The following ATM variants were observed in gnomAD, a reference collection of about 807,000 sequenced individuals.
The protein encoded by ATM is ATM serine/threonine kinase.
In ATM, 308 loss-of-function variants were observed where a neutral mutation model predicts 387.0. The ratio of observed to expected loss-of-function variants is 0.80; its 90% CI spans 0.73 to 0.87. The LOEUF (loss-of-function observed/expected upper bound fraction) is 0.87, where lower values mean the gene tolerates loss of function less well. Among genes scored for constraint, ATM ranks in the 40% least tolerant of loss-of-function variants. The pLI is 0.00. For missense variants in ATM, 3,312 were observed against 3,560.9 expected (o/e 0.93, Z 1.78); for synonymous variants, 1,156 against 1,187.3 (o/e 0.97, Z 0.54).
intron 5 of ATM, among the ~76,000 whole-genome samples, chr11:108,237,308 C>T (rs2079326924): frequency 6.6e-6 from 1 of 152,108 alleles, no homozygotes. Context: ...GATCTTTCCC[C>T]AGTATGGCTG....
intron 37 of ATM, 115 bp from the exon 38 acceptor site, chr11:108,307,782 A>T: frequency 1.1e-6 from 1 of 888,512 alleles, no homozygotes. Context: ...ATTTTGTGTT[A>T]GGTACTGCCC....
chr11:108,300,572 C>T (rs188175383), intron 34 of ATM, among the ~76,000 whole-genome samples: 1 of 152,134 alleles, frequency 6.6e-6, no homozygotes, highest in Non-Finnish European at 1.5e-5. Flanking sequence ...TCTGTACTTC[C>T]CTTCCTCCTT....
chr11:108,262,370 G>A (rs994356402), intron 16 of ATM, among the ~76,000 whole-genome samples: 6 of 152,258 alleles, frequency 3.9e-5, no homozygotes, highest in South Asian at 2.1e-4. Flanking sequence ...AGAATTTCAT[G>A]TCCATCCAAA....
At chr11:108,311,608 G>C (rs1159159472) in intron 39 of ATM, among the ~76,000 whole-genome samples, 1 of 152,072 alleles carries the variant, frequency 6.6e-6, no homozygotes, top group Non-Finnish European at 1.5e-5. Flanking sequence ...TGAGGGAGGA[G>C]GATCGCTTGA....
intron 29 of ATM, 141 bp downstream of exon 29, chr11:108,289,942 C>A (rs2135769429): frequency 1.4e-6 from 1 of 718,726 alleles, no homozygotes. Flanking sequence ...ACTGCATCCT[C>A]AACCTCCTGG....
chr11:108,254,937 C>T (rs371968526), intron 13 of ATM, among the ~76,000 whole-genome samples: 8 of 152,180 alleles, frequency 5.3e-5, no homozygotes, highest in Admixed American at 2.0e-4. Flanking sequence ...GCGTGAGCCA[C>T]GGTGCCTGGC....
intron 37 of ATM, among the ~76,000 whole-genome samples, chr11:108,305,614 A>G (rs533864200): frequency 6.6e-6 from 1 of 152,162 alleles, no homozygotes; most frequent in Non-Finnish European, 1.5e-5. Context: ...TTGTATAACT[A>G]TAATTAACAT....
chr11:108,333,318 TTTAA>T (rs1322403348), intron 53 of ATM, among the ~76,000 whole-genome samples: 2 of 152,220 alleles, frequency 1.3e-5, no homozygotes, highest in Admixed American at 1.3e-4. Flanking sequence ...AATGCCATTA[TTTAA>T]TTATTATTCT....
intron 5 of ATM, among the ~76,000 whole-genome samples, chr11:108,239,153 A>G (rs543408886): frequency 6.6e-6 from 1 of 152,148 alleles, no homozygotes; most frequent in Non-Finnish European, 1.5e-5. Flanking sequence ...GCCTTCATGG[A>G]TGGGATTAAT....
At position 108,268,468 on chromosome 11, in the gene ATM, C is replaced by T. The variant is rs786202978; in HGVS notation, c.2697C>T (p.Asp899=). 10 of 1,613,920 alleles carry T rather than the reference C, an allele frequency of 6.2e-6. 1 individual carries two copies. The African/African-American group carries it at 8.0e-5, about 13-fold the overall frequency. The change falls in exon 18 of 63, where the codon GAC becomes GAT. Residue 899 remains aspartate, a synonymous_variant. Transcript: ENST00000675843. ...YLSKQDLLFL[D]MLKFLCLCVT... ...CAAAGCAAGATCTACTTTTCTTAGA[C>T]ATGCTCAAGTTCTTGTGTTTGTGTG...
intron 27 of ATM, among the ~76,000 whole-genome samples, chr11:108,288,685 G>A (rs926222523): frequency 6.6e-6 from 1 of 151,602 alleles, no homozygotes; most frequent in African/African-American, 2.4e-5. Context: ...GTAATACTGA[G>A]GCTCATTTAT....
chr11:108,340,888 C>G (rs1025491012), intron 56 of ATM, among the ~76,000 whole-genome samples: 1 of 152,072 alleles, frequency 6.6e-6, no homozygotes, highest in Non-Finnish European at 1.5e-5. Flanking sequence ...AATAGTTGTA[C>G]TGTATTGGTT....
At position 108,332,789 on chromosome 11, in the gene ATM, A is replaced by G. The variant is rs376824528; in HGVS notation, c.7816A>G (p.Ile2606Val). 29 of 1,613,192 alleles carry G rather than the reference A, an allele frequency of 1.8e-5. No homozygotes were observed. The highest frequency in any genetic ancestry group is 1.7e-4 in the Middle Eastern group (1 of 6,050). Residue 2606 changes from isoleucine (I) to valine (V), a missense_variant, in exon 53 of 63, where the codon ATA becomes GTA. This residue lies in a region of ATM where 1,405 missense variants were observed against 1,604.4 expected (regional missense o/e 0.88). Transcript: ENST00000675843. ...TCGAACAGAGGCTGCAAATAGAATA[A>G]TATGTACTATCAGAAGTAGGAGACC... The part of the protein sequence containing the change: ...EDRTEAANRI[I>V]CTIRSRRPQM...
At chr11:108,317,615 T>TTTTATATATATA (rs1225638961) in intron 43 of ATM, 94 bp downstream of exon 43, 2 of 215,374 alleles carry the variant, frequency 9.3e-6, no homozygotes, top group Non-Finnish European at 8.2e-6. Context: ...AGGAGTTGTT[T>TTTTATATATATA]TATATATATA....
At position 108,287,675 on chromosome 11, in the gene ATM, T is replaced by G; in HGVS notation, c.4069T>G (p.Ser1357Ala). Reference protein sequence around the residue: ...LLMTLHEPANSSASQSTDLCD... With the variant: ...LLMTLHEPANASASQSTDLCD... The stretch of plus-strand genomic sequence containing the variant: ...GATGACGTTACATGAGCCAGCAAAT[T>G]CTAGTGCCAGTCAGAGCACTGACCT... Residue 1357 changes from serine (S) to alanine (A), a missense_variant, in exon 27 of 63, where the codon TCT becomes GCT. Around this residue, in one of 4 missense-constraint regions of ATM, gnomAD observed 1,791 missense variants for 1,804.5 expected, o/e 0.99. Coordinates refer to ENST00000675843, the MANE Select transcript of ATM (RefSeq NM_000051.4). The G allele has an allele frequency of 6.2e-7, 1 of 1,613,854 alleles. No individual in the cohort carries two copies. Among genetic ancestry groups the G allele is most frequent in the Non-Finnish European group, 8.5e-7 (1 of 1,179,900 alleles).
chr11:108,359,279 C>G (rs1358980756), intron 61 of ATM, among the ~76,000 whole-genome samples: 1 of 151,440 alleles, frequency 6.6e-6, no homozygotes. Flanking sequence ...AATACAGGAG[C>G]ACCCAGATTC....
chr11:108,308,867 A>T, intron 38 of ATM: 1 of 660,552 alleles, frequency 1.5e-6, no homozygotes, highest in Non-Finnish European at 2.6e-6. Context: ...GTTTTATACC[A>T]GATTATCTTC....
intron 56 of ATM, 71 bp from the exon 57 acceptor site, chr11:108,343,151 A>G: frequency 6.3e-7 from 1 of 1,590,714 alleles, no homozygotes; most frequent in Non-Finnish European, 8.6e-7. Context: ...ACTGACTCTG[A>G]TAGCTGAATG....
intron 61 of ATM, among the ~76,000 whole-genome samples, chr11:108,361,362 GCC>G (rs1051359843): frequency 6.6e-6 from 1 of 150,604 alleles, no homozygotes; most frequent in African/African-American, 2.5e-5. Flanking sequence ...TGTGAAAATG[GCC>G]ATACTGCCCA....
Sources: allele counts gnomAD v4.1 joint callset (sites outside exome capture counted in the v4.1 genomes callset), GRCh38; gene constraint gnomAD v4.1.1; regional missense constraint gnomAD v4.1.1; transcripts MANE v1.5; gene names NCBI Gene and HGNC (gene_info 2026-07-23, HGNC 2026-07-21).